Variants in NRG3 observed in about 807,000 individuals in gnomAD.
The protein encoded by NRG3 is pro-neuregulin-3, membrane-bound isoform.
Under a neutral mutation model 66.9 loss-of-function variants are expected in NRG3, and 31 were observed. The observed-to-expected ratio is 0.46, with a 90% CI of 0.35 to 0.63. The LOEUF (loss-of-function observed/expected upper bound fraction) is 0.63, where lower values mean the gene tolerates loss of function less well. Ranked by LOEUF, NRG3 falls within the 20% of genes least tolerant of loss-of-function variation. The pLI is 0.00. For synonymous variants in NRG3, 393 were observed against 359.4 expected, an observed-to-expected ratio of 1.09 and a Z score of -1.06; for missense variants, 910 against 878.9, an observed-to-expected ratio of 1.04 and a Z score of -0.45.
chr10:82,009,497 T>C (rs1458714300), intron 1 of NRG3, among the ~76,000 whole-genome samples: 2 of 152,196 alleles, frequency 1.3e-5, no homozygotes, highest in African/African-American at 4.8e-5. Flanking sequence ...AGGGCAGAGA[T>C]GCTTCCAGTC....
chr10:82,348,719 T>A (rs1259091044), intron 1 of NRG3, among the ~76,000 whole-genome samples: 1 of 151,110 alleles, frequency 6.6e-6, no homozygotes, highest in Non-Finnish European at 1.5e-5. Flanking sequence ...CAGACGTAGA[T>A]TTGGTCTTTT....
At chr10:82,103,223 A>T (rs957885925) in intron 1 of NRG3, among the ~76,000 whole-genome samples, 4 of 151,944 alleles carry the variant, frequency 2.6e-5, no homozygotes, top group African/African-American at 9.7e-5. Flanking sequence ...TCATTCCTTT[A>T]TATGTAATGT....
intron 2 of NRG3, among the ~76,000 whole-genome samples, chr10:82,659,916 C>G (rs988900302): frequency 5.9e-5 from 9 of 151,842 alleles, no homozygotes; most frequent in Non-Finnish European, 1.2e-4. Flanking sequence ...AAAGTGACGG[C>G]CGGGTGCAAT....
chr10:82,370,269 T>G (rs2084794905), intron 2 of NRG3, among the ~76,000 whole-genome samples: 1 of 137,898 alleles, frequency 7.3e-6, no homozygotes, highest in Non-Finnish European at 1.5e-5. Flanking sequence ...AGCGAGATGA[T>G]GAGGAGCTGA....
intron 1 of NRG3, among the ~76,000 whole-genome samples, chr10:82,284,026 G>A (rs1398013208): frequency 6.6e-6 from 1 of 152,184 alleles, no homozygotes; most frequent in Admixed American, 6.5e-5. Flanking sequence ...CGATTTCCAG[G>A]ATATACTTTT....
intron 3 of NRG3, among the ~76,000 whole-genome samples, chr10:82,813,583 C>T (rs984394874): frequency 1.3e-5 from 2 of 152,092 alleles, no homozygotes; most frequent in African/African-American, 4.8e-5. Context: ...GAGACTTCCT[C>T]GAGAGCATGG....
chr10:82,877,385 T>G (rs1467733875), intron 4 of NRG3, among the ~76,000 whole-genome samples: 1 of 146,964 alleles, frequency 6.8e-6, no homozygotes, highest in African/African-American at 2.5e-5. Context: ...TTTTTTTTTT[T>G]TTTTTTTTTT....
chr10:82,046,059 T>G (rs1448355391), intron 1 of NRG3, among the ~76,000 whole-genome samples: 1 of 142,248 alleles, frequency 7.0e-6, no homozygotes, highest in Non-Finnish European at 1.5e-5. Flanking sequence ...GGGCTCTTTT[T>G]TGGTTCCATA....
rs564912849 is a variant in NRG3 at position 82,834,244 on chromosome 10, C to T, written c.1028-31167C>T. 3.4e-4 allele frequency among the ~76,000 whole-genome samples: 51 copies of T among 152,124 alleles called. 1 individual carries two copies. The South Asian group carries it at 1.0e-2, about 30-fold the overall frequency. On this transcript the variant is annotated intron_variant, in intron 3 of 8. Transcript: ENST00000372141. ...AACTGTATTAGCCAGGAAACTGAGCCCACTGATTTTTTAATCTATCCTTAA... is the reference window on the plus strand; with the variant it reads ...AACTGTATTAGCCAGGAAACTGAGCTCACTGATTTTTTAATCTATCCTTAA...
intron 2 of NRG3, among the ~76,000 whole-genome samples, chr10:82,716,156 G>A (rs765114048): frequency 5.3e-5 from 8 of 152,168 alleles, no homozygotes; most frequent in African/African-American, 1.4e-4. Context: ...TTAAAAACCC[G>A]AGTGATTGAC....
chr10:82,218,517 C>A lies in NRG3; in HGVS notation c.824-140222C>A, dbSNP rs369996469. ...GGAAAATACAGCGTCTATAACATAT[C>A]CCCTTCTTACAGAGGTATGCATCTT... On this transcript the variant is annotated intron_variant, in intron 1 of 8. Coordinates refer to ENST00000372141, the MANE Select transcript of NRG3 (RefSeq NM_001010848.4). Among the ~76,000 whole-genome samples, 12 of 152,126 alleles carry A rather than the reference C, an allele frequency of 7.9e-5. No individual in the cohort carries two copies. In the East Asian group the frequency reaches 1.4e-3, roughly 17 times the overall value.
intron 2 of NRG3, among the ~76,000 whole-genome samples, chr10:82,551,807 TTGC>T (rs1406650549): frequency 6.6e-6 from 1 of 152,166 alleles, no homozygotes; most frequent in African/African-American, 2.4e-5. Flanking sequence ...TTTATAGTAC[TTGC>T]TGCCTTAATA....
chr10:82,630,989 A>G (rs903898131), intron 2 of NRG3, among the ~76,000 whole-genome samples: 3 of 152,158 alleles, frequency 2.0e-5, no homozygotes, highest in African/African-American at 7.2e-5. Flanking sequence ...TTTAATATAC[A>G]ATGTTGCAAT....
chr10:81,932,928 G>T (rs1847511928), intron 1 of NRG3, among the ~76,000 whole-genome samples: 1 of 151,996 alleles, frequency 6.6e-6, no homozygotes, highest in African/African-American at 2.4e-5. Flanking sequence ...CCAAGATGGT[G>T]AAACCCCATC....
intron 4 of NRG3, among the ~76,000 whole-genome samples, chr10:82,869,667 G>A (rs1841115328): frequency 6.7e-6 from 1 of 150,314 alleles, no homozygotes; most frequent in Admixed American, 6.6e-5. Context: ...GAGTGCAGTG[G>A]TGCCATCTCG....
At chr10:82,191,046 C>T (rs1277566242) in intron 1 of NRG3, among the ~76,000 whole-genome samples, 1 of 152,102 alleles carries the variant, frequency 6.6e-6, no homozygotes, top group African/African-American at 2.4e-5. Flanking sequence ...ATGTCACCCC[C>T]AGTCACTGCC....
At chr10:82,806,014 A>AT (rs750866842) in intron 3 of NRG3, among the ~76,000 whole-genome samples, 27 of 152,136 alleles carry the variant, frequency 1.8e-4, no homozygotes, top group Non-Finnish European at 3.2e-4. Flanking sequence ...GCTTTAGGAG[A>AT]TTTTATCTAA....
chr10:82,855,942 T>C lies in NRG3; in HGVS notation c.1028-9469T>C, dbSNP rs1357786290. ...AAAAATTACGTAACAAAGACAGCCA[T>C]GAGTTGGACCCTGTTGGATAATAAT... On this transcript the variant is annotated intron_variant, in intron 3 of 8. Coordinates refer to ENST00000372141, the MANE Select transcript of NRG3 (RefSeq NM_001010848.4). 3.3e-5 allele frequency among the ~76,000 whole-genome samples: 5 copies of C among 152,272 alleles called. No homozygotes were observed. In the East Asian group the frequency reaches 7.7e-4, roughly 24 times the overall value.
At chr10:82,967,309 A>G (rs1851303537) in intron 6 of NRG3, among the ~76,000 whole-genome samples, 1 of 152,112 alleles carries the variant, frequency 6.6e-6, no homozygotes, top group South Asian at 2.1e-4. Context: ...ATTCTGCTAA[A>G]CATGTGTCTA....
Sources: gnomAD v4.1 joint callset for allele counts (sites outside exome capture counted in the v4.1 genomes callset) on GRCh38, gnomAD v4.1.1 for gene constraint, MANE v1.5 for transcripts, NCBI Gene and HGNC (gene_info 2026-07-23, HGNC 2026-07-21) for gene names.